The following EEA1 variants were observed in gnomAD, a reference collection of about 807,000 sequenced individuals.
EEA1 encodes the protein early endosome antigen 1, 162kD.
A neutral mutation model predicts 209.2 loss-of-function variants in EEA1; 111 were observed. The observed-to-expected ratio is 0.53, with a 90% confidence interval of 0.45 to 0.62. The LOEUF (loss-of-function observed/expected upper bound fraction) is 0.62, where lower values mean the gene tolerates loss of function less well. Among genes scored for constraint, EEA1 ranks in the 20% least tolerant of loss-of-function variants. The pLI, the probability that EEA1 is intolerant of heterozygous loss-of-function variation, is 0.00. For missense variants in EEA1, 1,343 were observed against 1,530.8 expected (o/e 0.88, Z 2.05); for synonymous variants, 536 against 540.6 (o/e 0.99, Z 0.12).
At chr12:92,827,696 G>C (rs1167226796) in intron 12 of EEA1, among the ~76,000 whole-genome samples, 1 of 152,176 alleles carries the variant, frequency 6.6e-6, no homozygotes, top group Non-Finnish European at 1.5e-5. Context: ...AAACCTGAAA[G>C]AGTAGTTTTC....
At chr12:92,915,079 T>A (rs1052744477) in intron 1 of EEA1, among the ~76,000 whole-genome samples, 1 of 152,206 alleles carries the variant, frequency 6.6e-6, no homozygotes, top group Non-Finnish European at 1.5e-5. Context: ...TATAAAATGT[T>A]TAAATTAGTG....
At chr12:92,885,164 G>A (rs752596061) in intron 2 of EEA1, among the ~76,000 whole-genome samples, 8 of 151,820 alleles carry the variant, frequency 5.3e-5, no homozygotes, top group Non-Finnish European at 1.0e-4. Flanking sequence ...TTAAATTTTT[G>A]GGGAGTCAAA....
chr12:92,897,868 T>C (rs1879956641), intron 1 of EEA1, among the ~76,000 whole-genome samples: 1 of 152,196 alleles, frequency 6.6e-6, no homozygotes, highest in African/African-American at 2.4e-5. Context: ...TGTTGGCATT[T>C]TACAGCAATA....
At chr12:92,892,162 C>T (rs1167567415) in intron 1 of EEA1, among the ~76,000 whole-genome samples, 1 of 152,016 alleles carries the variant, frequency 6.6e-6, no homozygotes, top group East Asian at 1.9e-4. Context: ...ACAATCTTGG[C>T]TCACTGCAAC....
At chr12:92,787,846 G>A (rs1874199435) in intron 22 of EEA1, 21 bp downstream of exon 22, 1 of 1,537,182 alleles carries the variant, frequency 6.5e-7, no homozygotes, top group Non-Finnish European at 8.7e-7. Context: ...AGACTTTATG[G>A]TACAGTATAG....
chr12:92,780,899 T>G (rs1355253380), intron 23 of EEA1, among the ~76,000 whole-genome samples: 1 of 152,116 alleles, frequency 6.6e-6, no homozygotes, highest in Non-Finnish European at 1.5e-5. Flanking sequence ...ACTAAACTCC[T>G]ATAAACAACA....
At chr12:92,908,968 C>A (rs767536508) in intron 1 of EEA1, among the ~76,000 whole-genome samples, 1 of 152,082 alleles carries the variant, frequency 6.6e-6, no homozygotes, top group Non-Finnish European at 1.5e-5. Flanking sequence ...GGATTACAGG[C>A]GTGCACCACC....
At chr12:92,853,993 G>A in intron 5 of EEA1, 39 bp from the exon 6 acceptor site, 1 of 1,447,382 alleles carries the variant, frequency 6.9e-7, no homozygotes, top group Middle Eastern at 1.8e-4. Context: ...TGAATTAAAA[G>A]GAAAAGATAA....
chr12:92,822,790 C>A (rs540642129), intron 13 of EEA1, among the ~76,000 whole-genome samples: 5 of 152,152 alleles, frequency 3.3e-5, no homozygotes, highest in Non-Finnish European at 7.4e-5. Flanking sequence ...ATATATAGCA[C>A]GATTCCCTCC....
At chr12:92,823,566 C>T (rs1377534016) in intron 13 of EEA1, among the ~76,000 whole-genome samples, 1 of 152,154 alleles carries the variant, frequency 6.6e-6, no homozygotes, top group Non-Finnish European at 1.5e-5. Context: ...ATTCTCTATG[C>T]TACCATAACA....
chr12:92,908,120 C>A (rs897173336), intron 1 of EEA1, among the ~76,000 whole-genome samples: 2 of 152,184 alleles, frequency 1.3e-5, no homozygotes, highest in African/African-American at 4.8e-5. Flanking sequence ...GTAGTATATA[C>A]ATCCACAATG....
Position 92,891,758 on chromosome 12 carries a change from G to A in EEA1, c.25-37C>T, listed in dbSNP as rs571808814. 1.1e-4 allele frequency: 153 copies of A among 1,438,208 alleles called. 6 individuals are homozygous for A. In the South Asian group the frequency reaches 1.8e-3, roughly 17 times the overall value. The allele number at this position is 1,438,208 out of a possible 1,614,324, so 89.1% of individuals were successfully genotyped here. On this transcript the variant is annotated intron_variant, in intron 1 of 28. Coordinates refer to ENST00000322349, the MANE Select transcript of EEA1 (RefSeq NM_003566.4). ...ACAGTAGGGAGGAAAAAAAAACAAAGCAGACATTAACAATATATTCATCGG... is the reference window on the plus strand; with the variant it reads ...ACAGTAGGGAGGAAAAAAAAACAAAACAGACATTAACAATATATTCATCGG...
intron 5 of EEA1, among the ~76,000 whole-genome samples, chr12:92,855,462 C>T (rs889420797): frequency 5.7e-5 from 7 of 123,710 alleles, no homozygotes; most frequent in African/African-American, 2.1e-4. Context: ...TGCTATCAAA[C>T]TATCACTACT....
chr12:92,922,943 A>G (rs905613889), intron 1 of EEA1, among the ~76,000 whole-genome samples: 3 of 147,758 alleles, frequency 2.0e-5, no homozygotes, highest in Non-Finnish European at 3.0e-5. Context: ...GGCCAACAAG[A>G]GCAAAACTCC....
chr12:92,847,780 C>G (rs948687894), intron 9 of EEA1, among the ~76,000 whole-genome samples: 1 of 152,168 alleles, frequency 6.6e-6, no homozygotes, highest in African/African-American at 2.4e-5. Flanking sequence ...GAACAATTTA[C>G]TTAATCTCAT....
At chr12:92,909,053 G>A (rs1182668087) in intron 1 of EEA1, among the ~76,000 whole-genome samples, 1 of 152,162 alleles carries the variant, frequency 6.6e-6, no homozygotes. Flanking sequence ...CTTGTGATCT[G>A]CCTGCCTCGG....
At position 92,816,231 on chromosome 12, in the gene EEA1, C is replaced by G. The variant is rs913536144; in HGVS notation, c.1898G>C (p.Ser633Thr). 6.2e-7 allele frequency: 1 copy of G among 1,613,634 alleles called. No individual in the cohort carries two copies. Among genetic ancestry groups the G allele is most frequent in the African/African-American group, 1.3e-5 (1 of 74,878 alleles). ...VNELNSQLNE[S>T]KEKVSQLDIQ... ...GTCAAGCTGGGAGACCTTCTCCTTG[C>G]TTTCATTTAATTGACTATTTAATTC... Residue 633 changes from serine (S) to threonine (T), a missense_variant, in exon 15 of 29, where the codon AGC becomes ACC. Physicochemically the swap from Ser to Thr is moderately conservative, Grantham distance 58. Around this residue, in one of 3 missense-constraint regions of EEA1, gnomAD observed 1,307 missense variants for 1,465.5 expected, o/e 0.89. Coordinates refer to ENST00000322349, the MANE Select transcript of EEA1 (RefSeq NM_003566.4).
At chr12:92,864,101 T>A (rs1288696898) in intron 3 of EEA1, among the ~76,000 whole-genome samples, 2 of 152,218 alleles carry the variant, frequency 1.3e-5, no homozygotes, top group African/African-American at 4.8e-5. Flanking sequence ...TTCCCACATA[T>A]TTTAATACAG....
At chr12:92,894,060 T>C (rs751687809) in intron 1 of EEA1, among the ~76,000 whole-genome samples, 9 of 152,216 alleles carry the variant, frequency 5.9e-5, no homozygotes, top group Non-Finnish European at 1.2e-4. Context: ...TTGGTAATTA[T>C]CATAATATTT....
Sources: allele counts gnomAD v4.1 joint callset (sites outside exome capture counted in the v4.1 genomes callset), GRCh38; gene constraint gnomAD v4.1.1; regional missense constraint gnomAD v4.1.1; transcripts MANE v1.5; gene names NCBI Gene and HGNC (gene_info 2026-07-23, HGNC 2026-07-21).